ARID1A: variants seen among roughly 807,000 people sequenced by gnomAD.
ARID1A encodes the protein AT-rich interactive domain-containing protein 1A.
ARID1A carries 20 observed loss-of-function variants against 212.6 expected under a neutral mutation model. The observed-to-expected ratio is 0.09, with a 90% confidence interval of 0.07 to 0.14. The LOEUF (loss-of-function observed/expected upper bound fraction) is 0.14, where lower values mean the gene tolerates loss of function less well. ARID1A is among the 10% of genes least tolerant of loss of function. The pLI, the probability that ARID1A is intolerant of heterozygous loss-of-function variation, is 1.00. For synonymous variants in ARID1A, 1,376 were observed against 1,222.1 expected, an observed-to-expected ratio of 1.13 and a Z score of -2.63; for missense variants, 2,587 against 3,059.0, an observed-to-expected ratio of 0.85 and a Z score of 3.64.
At chr1:26,735,586 C>A (rs1180872718) in intron 4 of ARID1A, among the ~76,000 whole-genome samples, 2 of 152,312 alleles carry the variant, frequency 1.3e-5, no homozygotes, top group Non-Finnish European at 2.9e-5. Flanking sequence ...GCCACCTCAC[C>A]CGGCCTGAAA....
At chr1:26,732,584 T>A (rs2080690833) in intron 3 of ARID1A, 92 bp from the exon 4 acceptor site, 2 of 1,029,244 alleles carry the variant, frequency 1.9e-6, no homozygotes, top group Non-Finnish European at 3.0e-6. Flanking sequence ...CTCACACTCA[T>A]GAGAGACAGT....
At position 26,758,633 on chromosome 1, in the gene ARID1A, A is replaced by G. The variant is rs558540488; in HGVS notation, c.1921-2223A>G. ...AGACCCTGTCTCAAAAAAAAAAAAA[A>G]AAGAAGAAGAAGAACCAAGGATGTA... is the stretch of plus-strand genomic sequence containing the variant. On this transcript the variant is annotated intron_variant, in intron 4 of 19. Transcript: ENST00000324856. Among the ~76,000 whole-genome samples, 168 of 151,952 alleles carry G rather than the reference A, an allele frequency of 1.1e-3. 1 individual carries two copies. The highest frequency in any genetic ancestry group is 2.7e-3 in the East Asian group (14 of 5,178).
rs1431017194 is a variant in ARID1A, at chr1:26,696,666, C to T, written c.263C>T (p.Ala88Val). ...ESNGGGGGGG[A>V]GSGGGPGAEP... ...AATGGGGGTGGCGGCGGCGGCGGAGCCGGCAGCGGCGGCGGGCCCGGCGCG... is the reference window on the plus strand; with the variant it reads ...AATGGGGGTGGCGGCGGCGGCGGAGTCGGCAGCGGCGGCGGGCCCGGCGCG... The change falls in exon 1 of 20, where the codon GCC becomes GTC. Residue 88 changes from alanine (A) to valine (V), a missense_variant. Ala to Val is a moderately conservative substitution (Grantham distance 64). This residue lies in a region of ARID1A where 735 missense variants were observed against 590.6 expected (regional missense o/e 1.24). Transcript: ENST00000324856. 2 of 1,315,198 alleles carry T rather than the reference C, an allele frequency of 1.5e-6. No homozygotes were observed. Among genetic ancestry groups the T allele is most frequent in the Non-Finnish European group, 1.9e-6 (2 of 1,034,900 alleles). 81.5% of individuals were successfully genotyped at this position (1,315,198 alleles called of 1,614,324 possible). A position where few individuals can be genotyped will look rare whatever the true frequency, so the allele number is the denominator to read the frequency against.
Position 26,696,808 on chromosome 1 carries a change from T to G in ARID1A, c.405T>G (p.Pro135=), listed in dbSNP as rs922780561. Reference sequence around the variant, plus strand: ...GCAGCAGCGATGGGGTGGGGGCGCCTCCTCACTCAGCCGCGGCCGCCTTGC... The same window carrying G: ...GCAGCAGCGATGGGGTGGGGGCGCCGCCTCACTCAGCCGCGGCCGCCTTGC... ...GGGSSDGVGA[P]PHSAAAALPP... is the part of the protein sequence containing the mutation. Residue 135 remains proline (P), a synonymous_variant, in exon 1 of 20, where the codon CCT becomes CCG. Transcript: ENST00000324856. The G allele has an allele frequency of 2.1e-4, 276 of 1,336,570 alleles. No individual in the cohort carries two copies. The highest frequency in any genetic ancestry group is 2.5e-4 in the Non-Finnish European group (261 of 1,047,858). 82.8% of individuals were successfully genotyped at this position (1,336,570 alleles called of 1,614,324 possible).
chr1:26,739,157 G>A (rs1336661050), intron 4 of ARID1A, among the ~76,000 whole-genome samples: 1 of 152,116 alleles, frequency 6.6e-6, no homozygotes, highest in African/African-American at 2.4e-5. Context: ...AAAGTGCTGG[G>A]ATTACAGGCA....
Position 26,778,909 on chromosome 1 carries a change from C to T in ARID1A, c.5125-114C>T, listed in dbSNP as rs543004458. 4 of 1,024,792 alleles carry T rather than the reference C, an allele frequency of 3.9e-6. No homozygotes were observed. In the East Asian group the frequency reaches 1.0e-4, roughly 26 times the overall value. 63.5% of individuals were successfully genotyped at this position (1,024,792 alleles called of 1,614,324 possible). A position where few individuals can be genotyped will look rare whatever the true frequency, so the allele number is the denominator to read the frequency against. ...CTGTGGAGAACCTTTGGGAAAGGAG[C>T]AACTCTGCCTCTCCCAACTGATACA... is the stretch of plus-strand genomic sequence containing the variant. On this transcript the variant is annotated intron_variant, in intron 19 of 19. Transcript: ENST00000324856.
chr1:26,761,983 C>T (rs1399250257), intron 6 of ARID1A, among the ~76,000 whole-genome samples, 169 bp from the exon 7 acceptor site: 1 of 152,176 alleles, frequency 6.6e-6, no homozygotes, highest in Non-Finnish European at 1.5e-5. Context: ...TGGTTCATGT[C>T]ACTCTGAAGG....
In ARID1A at chr1:26,771,530, A is replaced by C. The variant is rs180784728; in HGVS notation, c.3406+204A>C. The C allele has an allele frequency of 5.4e-4, 320 of 594,060 alleles. 3 individuals carry two copies. In the East Asian group the frequency reaches 9.0e-3, roughly 17 times the overall value. 36.8% of individuals were successfully genotyped at this position (594,060 alleles called of 1,614,324 possible). A position where few individuals can be genotyped will look rare whatever the true frequency, so the allele number is the denominator to read the frequency against. ...GGGAGGTACTCTACGGCAGCTCTTAAGTTTTAATTTTTGTTGTGCAGCTGA... is the reference window on the plus strand; with the variant it reads ...GGGAGGTACTCTACGGCAGCTCTTACGTTTTAATTTTTGTTGTGCAGCTGA... On this transcript the variant is annotated intron_variant, in intron 12 of 19. Coordinates refer to ENST00000324856, the MANE Select transcript of ARID1A (RefSeq NM_006015.6). This position sits in a 1 kb window ranked among gnomAD's most constrained non-coding sequence, Gnocchi z 5.4.
At chr1:26,772,694 C>A (rs531077552) in intron 13 of ARID1A, 62 bp downstream of exon 13, 1 of 1,612,614 alleles carries the variant, frequency 6.2e-7, no homozygotes, top group Non-Finnish European at 8.5e-7. Flanking sequence ...CATGGGAACT[C>A]CTTGCAGCCC....
intron 4 of ARID1A, among the ~76,000 whole-genome samples, chr1:26,741,975 C>T (rs545474476): frequency 6.6e-6 from 1 of 152,248 alleles, no homozygotes; most frequent in South Asian, 2.1e-4. Context: ...CAGTCAACAT[C>T]AGTTATTCTG....
chr1:26,712,309 C>G (rs2080462216), intron 1 of ARID1A, among the ~76,000 whole-genome samples: 1 of 152,172 alleles, frequency 6.6e-6, no homozygotes, highest in Non-Finnish European at 1.5e-5. Context: ...CTCTCCCTCA[C>G]CCCCTACTTC....
chr1:26,768,145 G>A (rs769124979), intron 11 of ARID1A, 146 bp downstream of exon 11: 117 of 929,038 alleles, frequency 1.3e-4, no homozygotes, highest in Non-Finnish European at 1.8e-4. Context: ...AGACCGGGGA[G>A]CACAGGTTTC....
chr1:26,744,976 G>C (rs1359896714), intron 4 of ARID1A, among the ~76,000 whole-genome samples: 1 of 152,182 alleles, frequency 6.6e-6, no homozygotes, highest in African/African-American at 2.4e-5. Flanking sequence ...CAAAAAATAT[G>C]CTTCGTGAAT....
chr1:26,749,520 G>A (rs2080866740), intron 4 of ARID1A, among the ~76,000 whole-genome samples: 1 of 152,138 alleles, frequency 6.6e-6, no homozygotes, highest in Non-Finnish European at 1.5e-5. Context: ...GCCGCTGTTT[G>A]CAGGGGCTAC....
At chr1:26,728,238 T>C (rs1243627065) in intron 1 of ARID1A, among the ~76,000 whole-genome samples, 2 of 152,144 alleles carry the variant, frequency 1.3e-5, no homozygotes, top group Non-Finnish European at 2.9e-5. Context: ...GCCTAAGAAA[T>C]AACTCTGCTT....
At chr1:26,760,712 A>T (rs2080983316) in intron 4 of ARID1A, 144 bp from the exon 5 acceptor site, 2 of 854,778 alleles carry the variant, frequency 2.3e-6, no homozygotes, top group Non-Finnish European at 3.2e-6. Flanking sequence ...TTTTTTTAAT[A>T]AAAATAGTAT....
intron 4 of ARID1A, among the ~76,000 whole-genome samples, chr1:26,741,595 C>A (rs2080788815): frequency 6.6e-6 from 1 of 152,134 alleles, no homozygotes; most frequent in Non-Finnish European, 1.5e-5. Context: ...AAGGCATCCA[C>A]TGGATTAATT....
intron 1 of ARID1A, among the ~76,000 whole-genome samples, chr1:26,710,490 T>TACACACACACACACACACACACACACAC (rs1291075615): frequency 2.1e-4 from 2 of 9,674 alleles, no homozygotes; most frequent in African/African-American, 5.9e-4. Flanking sequence ...AATAAAATAA[T>TACACACACACACACACACACACACACAC]ACATACACAC....
chr1:26,715,293 A>G (rs1179611117), intron 1 of ARID1A, among the ~76,000 whole-genome samples: 3 of 152,236 alleles, frequency 2.0e-5, no homozygotes, highest in Admixed American at 2.0e-4. Context: ...CAAAAGTTGG[A>G]ATGTGCACAC....
Sources: gnomAD v4.1 joint callset for allele counts (sites outside exome capture counted in the v4.1 genomes callset) on GRCh38, gnomAD v4.1.1 for gene constraint, gnomAD v4.1.1 regional missense constraint, Gnocchi (gnomAD v3.1) non-coding constraint, MANE v1.5 for transcripts, NCBI Gene and HGNC (gene_info 2026-07-23, HGNC 2026-07-21) for gene names.